Variants in CBLN2 observed in about 807,000 individuals in gnomAD.
CBLN2 encodes the protein cerebellin-2.
In CBLN2, 7 loss-of-function variants were observed where a neutral mutation model predicts 15.0. The ratio of observed to expected loss-of-function variants is 0.47; its 90% CI spans 0.27 to 0.88. The LOEUF is 0.88. Among genes scored for constraint, CBLN2 ranks in the 40% least tolerant of loss-of-function variants. The pLI, the probability that CBLN2 is intolerant of heterozygous loss-of-function variation, is 0.14. For synonymous variants in CBLN2, 149 were observed against 135.2 expected, an observed-to-expected ratio of 1.10 and a Z score of -0.71; for missense variants, 242 against 304.5, an observed-to-expected ratio of 0.79 and a Z score of 1.53.
intron 1 of CBLN2, among the ~76,000 whole-genome samples, chr18:72,606,106 G>T (rs1466536927): frequency 6.6e-6 from 1 of 152,222 alleles, no homozygotes; most frequent in Non-Finnish European, 1.5e-5. Flanking sequence ...TCTTCCCAAA[G>T]TAGAAAGCTT....
intron 1 of CBLN2, chr18:72,619,351 C>T (rs2069684479): frequency 7.7e-6 from 4 of 522,106 alleles, no homozygotes; most frequent in Non-Finnish European, 1.5e-5. Flanking sequence ...TACAAAGAAG[C>T]CATGTTTTTG....
intron 1 of CBLN2, among the ~76,000 whole-genome samples, chr18:72,624,434 G>T (rs1367760487): frequency 6.6e-6 from 1 of 152,154 alleles, no homozygotes; most frequent in Non-Finnish European, 1.5e-5. Flanking sequence ...GAGGTAGGGA[G>T]TTCAAGACCA....
intron 1 of CBLN2, among the ~76,000 whole-genome samples, chr18:72,557,345 C>T (rs1474573440): frequency 6.6e-6 from 1 of 152,094 alleles, no homozygotes; most frequent in Non-Finnish European, 1.5e-5. Flanking sequence ...AATGAACATA[C>T]ATGTGCATGT....
chr18:72,569,801 G>A (rs952983538), intron 1 of CBLN2, among the ~76,000 whole-genome samples: 1 of 152,152 alleles, frequency 6.6e-6, no homozygotes, highest in Admixed American at 6.6e-5. Flanking sequence ...TCTCCCCTAC[G>A]ATCTACATAC....
chr18:72,579,018 G>A, intron 1 of CBLN2, among the ~76,000 whole-genome samples: 1 of 152,148 alleles, frequency 6.6e-6, no homozygotes, highest in East Asian at 1.9e-4. Flanking sequence ...CCAAGCCTTA[G>A]TCTAAGCTTG....
At chr18:72,633,148 C>CTTTTCTCTCCCTAGAAT (rs1291798480) in intron 1 of CBLN2, among the ~76,000 whole-genome samples, 1 of 152,102 alleles carries the variant, frequency 6.6e-6, no homozygotes, top group African/African-American at 2.4e-5. Flanking sequence ...TCATTATCAC[C>CTTTTCTCTCCCTAGAAT]TTTTCTCTCC....
At chr18:72,621,570 A>G (rs200811976) in intron 1 of CBLN2, among the ~76,000 whole-genome samples, 1 of 152,182 alleles carries the variant, frequency 6.6e-6, no homozygotes, top group East Asian at 1.9e-4. Context: ...TGCCTATTCA[A>G]TTATTTTTTA....
intron 1 of CBLN2, among the ~76,000 whole-genome samples, chr18:72,560,501 G>A (rs2069253149): frequency 6.6e-6 from 1 of 152,162 alleles, no homozygotes; most frequent in Non-Finnish European, 1.5e-5. Flanking sequence ...TGGGACAGGG[G>A]TTTGCAAACT....
At chr18:72,622,659 C>G (rs1267697893) in intron 1 of CBLN2, among the ~76,000 whole-genome samples, 1 of 152,172 alleles carries the variant, frequency 6.6e-6, no homozygotes, top group East Asian at 1.9e-4. Context: ...ACCATTCTTG[C>G]TGTACCTGTG....
chr18:72,588,748 C>T (rs1039402950), intron 1 of CBLN2, among the ~76,000 whole-genome samples: 5 of 151,996 alleles, frequency 3.3e-5, no homozygotes, highest in African/African-American at 9.7e-5. Flanking sequence ...TCTTTAAAGG[C>T]TAGAAAAGAA....
At chr18:72,627,968 T>C (rs897802081) in intron 1 of CBLN2, among the ~76,000 whole-genome samples, 1 of 152,242 alleles carries the variant, frequency 6.6e-6, no homozygotes, top group African/African-American at 2.4e-5. Context: ...TGCATGGCTC[T>C]AAAACTGTCC....
chr18:72,571,287 GT>G (rs2069330761), intron 1 of CBLN2, among the ~76,000 whole-genome samples: 1 of 152,096 alleles, frequency 6.6e-6, no homozygotes, highest in Admixed American at 6.6e-5. Context: ...TTAAAAATTA[GT>G]TTTACTAAAC....
intron 1 of CBLN2, among the ~76,000 whole-genome samples, chr18:72,580,326 G>C (rs2069394962): frequency 6.6e-6 from 1 of 151,916 alleles, no homozygotes; most frequent in South Asian, 2.1e-4. Context: ...ATATATTAAG[G>C]AAAACTATTC....
chr18:72,635,985 C>A (rs902298010), intron 1 of CBLN2, among the ~76,000 whole-genome samples: 2 of 152,094 alleles, frequency 1.3e-5, no homozygotes, highest in Non-Finnish European at 2.9e-5. Context: ...CATCAATTTA[C>A]CCTGAATCAA....
chr18:72,558,144 C>A (rs946232667), intron 1 of CBLN2, among the ~76,000 whole-genome samples: 2 of 152,164 alleles, frequency 1.3e-5, no homozygotes, highest in African/African-American at 2.4e-5. Flanking sequence ...AGGATCTATG[C>A]TGACCATGTG....
intron 1 of CBLN2, among the ~76,000 whole-genome samples, chr18:72,572,909 A>C (rs1468425199): frequency 6.6e-6 from 1 of 152,178 alleles, no homozygotes; most frequent in Non-Finnish European, 1.5e-5. Context: ...CTAAAGAATA[A>C]GAAAGAGCAA....
chr18:72,555,877 A>T (rs1443510166), intron 1 of CBLN2, among the ~76,000 whole-genome samples: 1 of 152,158 alleles, frequency 6.6e-6, no homozygotes, highest in East Asian at 1.9e-4. Flanking sequence ...AGGTATTTGC[A>T]CTGTGGGGTA....
chr18:72,555,605 T>C (rs558009685), intron 1 of CBLN2, among the ~76,000 whole-genome samples: 8 of 152,322 alleles, frequency 5.3e-5, no homozygotes, highest in East Asian at 1.9e-4. Context: ...ATCTACTTTT[T>C]CCATTTAATT....
intron 1 of CBLN2, among the ~76,000 whole-genome samples, chr18:72,581,973 G>A (rs1409241760): frequency 6.6e-6 from 1 of 152,250 alleles, no homozygotes; most frequent in South Asian, 2.1e-4. Context: ...TTTGTGAGGA[G>A]CTTCTCGTCT....
Sources: allele counts gnomAD v4.1 joint callset (sites outside exome capture counted in the v4.1 genomes callset), GRCh38; gene constraint gnomAD v4.1.1; transcripts MANE v1.5; gene names NCBI Gene and HGNC (gene_info 2026-07-23, HGNC 2026-07-21).